ARHGAP22: variants seen among roughly 807,000 people sequenced by gnomAD.
ARHGAP22 encodes the protein rho GTPase-activating protein 22.
ARHGAP22 carries 48 observed loss-of-function variants against 59.1 expected under a neutral mutation model. That is an observed-to-expected ratio of 0.81 (90% confidence interval 0.64 to 1.03). The LOEUF is 1.03. ARHGAP22 is among the 50% of genes least tolerant of loss of function. ARHGAP22 has a pLI of 0.00. For synonymous variants in ARHGAP22, 445 were observed against 416.4 expected, an observed-to-expected ratio of 1.07 and a Z score of -0.84; for missense variants, 1,015 against 958.7, an observed-to-expected ratio of 1.06 and a Z score of -0.78.
chr10:48,501,520 C>T (rs1027954446), intron 3 of ARHGAP22, among the ~76,000 whole-genome samples: 3 of 152,186 alleles, frequency 2.0e-5, no homozygotes, highest in African/African-American at 7.2e-5. Context: ...GGAAAGTGGG[C>T]AGACCTTCGA....
chr10:48,460,108 T>C (rs1474678557), intron 4 of ARHGAP22, among the ~76,000 whole-genome samples: 4 of 152,182 alleles, frequency 2.6e-5, no homozygotes, highest in African/African-American at 7.2e-5. Flanking sequence ...GGGCTGCCTG[T>C]GGACAGACAG....
chr10:48,497,567 A>G (rs530178339), intron 3 of ARHGAP22, among the ~76,000 whole-genome samples: 2 of 152,204 alleles, frequency 1.3e-5, no homozygotes, highest in Non-Finnish European at 2.9e-5. Flanking sequence ...GAGGCCTCGC[A>G]GTGTGCTGCA....
chr10:48,482,003 A>G (rs552888541), intron 3 of ARHGAP22, among the ~76,000 whole-genome samples: 5 of 152,334 alleles, frequency 3.3e-5, no homozygotes, highest in African/African-American at 1.2e-4. Context: ...TATTCTGGAT[A>G]TAAGGCCTTT....
At chr10:48,443,195 G>A (rs866476086), downstream of ARHGAP22, among the ~76,000 whole-genome samples, 6 of 152,230 alleles carry the variant, frequency 3.9e-5, no homozygotes, top group Middle Eastern at 3.4e-3. Context: ...TGGGTCATTC[G>A]CAGCAGTGTA....
chr10:48,580,676 G>C lies in ARHGAP22; in HGVS notation c.234+2277C>G, dbSNP rs557838710. Among the ~76,000 whole-genome samples the C allele has an allele frequency of 3.5e-4, 54 of 152,300 alleles. No individual in the cohort carries two copies. The South Asian group carries it at 8.3e-3, about 23-fold the overall frequency. On this transcript the variant is annotated intron_variant, in intron 2 of 9. Coordinates refer to ENST00000249601, the MANE Select transcript of ARHGAP22 (RefSeq NM_021226.4). The stretch of plus-strand genomic sequence containing the variant: ...GCCAAGACACTGTTGAAGGGCCAAG[G>C]CTGGTCTACAAAACTGGGAGGCCAG...
intron 1 of ARHGAP22, among the ~76,000 whole-genome samples, chr10:48,636,445 C>T (rs939657738): frequency 1.2e-4 from 18 of 152,160 alleles, no homozygotes; most frequent in African/African-American, 4.3e-4. Context: ...TGAGTCTGCC[C>T]ACTGGGCTGC....
At chr10:48,539,800 G>A (rs1032469978) in intron 3 of ARHGAP22, among the ~76,000 whole-genome samples, 5 of 151,986 alleles carry the variant, frequency 3.3e-5, no homozygotes, top group Non-Finnish European at 5.9e-5. Flanking sequence ...TTTTTCTCTG[G>A]TACTGCAATT....
chr10:48,611,056 C>A (rs545924121), intron 1 of ARHGAP22, among the ~76,000 whole-genome samples: 1 of 152,326 alleles, frequency 6.6e-6, no homozygotes, highest in East Asian at 1.9e-4. Flanking sequence ...ACTCTTTGAT[C>A]CACTTGGACA....
At chr10:48,509,425 T>C (rs952756576) in intron 3 of ARHGAP22, among the ~76,000 whole-genome samples, 1 of 152,206 alleles carries the variant, frequency 6.6e-6, no homozygotes, top group Non-Finnish European at 1.5e-5. Context: ...CATCGATGGC[T>C]GTGCAGACGC....
chr10:48,650,110 G>A (rs2062492964), intron 1 of ARHGAP22, among the ~76,000 whole-genome samples: 1 of 150,814 alleles, frequency 6.6e-6, no homozygotes, highest in Non-Finnish European at 1.5e-5. Flanking sequence ...GACCAAGGAT[G>A]GGGAGGGGAA....
At chr10:48,640,064 C>T (rs2061981849) in intron 1 of ARHGAP22, among the ~76,000 whole-genome samples, 1 of 152,024 alleles carries the variant, frequency 6.6e-6, no homozygotes, top group Admixed American at 6.6e-5. Context: ...GTTGAACATT[C>T]AATAACTAAA....
At chr10:48,598,560 G>A (rs2060202776) in intron 1 of ARHGAP22, among the ~76,000 whole-genome samples, 1 of 152,162 alleles carries the variant, frequency 6.6e-6, no homozygotes, top group Non-Finnish European at 1.5e-5. Context: ...CTCTGCAGGT[G>A]GCAGACGGGA....
intron 3 of ARHGAP22, among the ~76,000 whole-genome samples, chr10:48,525,911 C>G (rs1297036185): frequency 6.6e-6 from 1 of 152,130 alleles, no homozygotes; most frequent in Non-Finnish European, 1.5e-5. Context: ...AAAGCATAAT[C>G]AGGTATTATT....
At chr10:48,452,445 A>C (rs1480380288) in intron 8 of ARHGAP22, among the ~76,000 whole-genome samples, 2 of 152,158 alleles carry the variant, frequency 1.3e-5, no homozygotes, top group African/African-American at 4.8e-5. Context: ...GGCAGGTAGG[A>C]GCTTGTGTTT....
chr10:48,590,429 G>A (rs191129798), intron 1 of ARHGAP22, among the ~76,000 whole-genome samples: 2 of 152,246 alleles, frequency 1.3e-5, no homozygotes, highest in African/African-American at 4.8e-5. Flanking sequence ...GGTTGTGGTG[G>A]GGGCAAGGAG....
intron 1 of ARHGAP22, among the ~76,000 whole-genome samples, chr10:48,636,455 C>T (rs2061821448): frequency 6.6e-6 from 1 of 152,178 alleles, no homozygotes; most frequent in Admixed American, 6.5e-5. Context: ...CACTGGGCTG[C>T]TCCTGCCCAG....
At chr10:48,438,948 A>G in the ARHGAP22 span, 1 of 152,182 alleles carries the variant, frequency 6.6e-6, no homozygotes, top group African/African-American at 2.4e-5. Context: ...TGTAGGCCCA[A>G]TATTTGGTAT....
intron 1 of ARHGAP22, among the ~76,000 whole-genome samples, chr10:48,614,497 C>T (rs183257290): frequency 7.2e-5 from 11 of 152,280 alleles, no homozygotes; most frequent in African/African-American, 2.4e-4. Flanking sequence ...TAATACAGAA[C>T]ACTCATTTTT....
chr10:48,630,107 T>G (rs929909162), intron 1 of ARHGAP22, among the ~76,000 whole-genome samples: 1 of 152,198 alleles, frequency 6.6e-6, no homozygotes, highest in African/African-American at 2.4e-5. Flanking sequence ...TTTTTTTCTT[T>G]TTTCAGACGG....
Sources: allele counts gnomAD v4.1 joint callset (sites outside exome capture counted in the v4.1 genomes callset), GRCh38; gene constraint gnomAD v4.1.1; transcripts MANE v1.5; gene names NCBI Gene and HGNC (gene_info 2026-07-23, HGNC 2026-07-21).